The following CCDC38 variants were observed in gnomAD, a reference collection of about 807,000 sequenced individuals.
The protein encoded by CCDC38 is coiled-coil domain-containing protein 38.
In CCDC38, 69 loss-of-function variants were observed where a neutral mutation model predicts 72.8. That is an observed-to-expected ratio of 0.95 (90% CI 0.78 to 1.16). CCDC38 has a LOEUF of 1.16. Ranked by LOEUF, CCDC38 falls within the 50% of genes most tolerant of loss-of-function variation. The probability of loss-of-function intolerance (pLI) is 0.00; values close to 1 mark genes in which losing one functional copy is unlikely to be tolerated. For synonymous variants in CCDC38, 201 were observed against 213.2 expected, an observed-to-expected ratio of 0.94 and a Z score of 0.50; for missense variants, 626 against 638.9, an observed-to-expected ratio of 0.98 and a Z score of 0.22.
chr12:95,887,488 A>G (rs529040416), intron 10 of CCDC38, among the ~76,000 whole-genome samples: 1 of 152,362 alleles, frequency 6.6e-6, no homozygotes, highest in South Asian at 2.1e-4. Flanking sequence ...ATGCTTAGTA[A>G]AATAACCCAA....
In CCDC38 at chr12:95,894,990, T is replaced by G; in HGVS notation, c.771A>C (p.Ala257=). Residue 257 remains alanine, a splice_region_variant and synonymous_variant, in exon 8 of 16, where the codon GCA becomes GCC. Transcript: ENST00000344280. ...GAAAGTTGAGTATAAGTAACTTACT[T>G]GCTAATATTTTTGGAAGGATGATAT... is the stretch of plus-strand genomic sequence containing the variant. ...KANIILPKIL[A]KLSLHSSNKE... The G allele has an allele frequency of 6.2e-7, 1 of 1,605,490 alleles. No homozygotes were observed. The highest frequency in any genetic ancestry group is 1.1e-5 in the South Asian group (1 of 88,870).
chr12:95,891,455 C>G (rs986914987), intron 8 of CCDC38, among the ~76,000 whole-genome samples: 1 of 152,182 alleles, frequency 6.6e-6, no homozygotes, highest in African/African-American at 2.4e-5. Flanking sequence ...AATCCATCCT[C>G]CCACCTCAGC....
intron 4 of CCDC38, among the ~76,000 whole-genome samples, chr12:95,914,732 T>C (rs2080127501): frequency 6.6e-6 from 1 of 152,112 alleles, no homozygotes; most frequent in South Asian, 2.1e-4. Flanking sequence ...ATGGTAAGGA[T>C]CCTAAAGTCT....
At chr12:95,922,929 G>C (rs1363547922) in intron 2 of CCDC38, among the ~76,000 whole-genome samples, 1 of 152,182 alleles carries the variant, frequency 6.6e-6, no homozygotes, top group African/African-American at 2.4e-5. Flanking sequence ...ATTTCTGGTT[G>C]TGTCTGTGAG....
chr12:95,898,767 T>C (rs769317444), intron 5 of CCDC38, 36 bp from the exon 6 acceptor site: 2 of 1,591,342 alleles, frequency 1.3e-6, no homozygotes, highest in Non-Finnish European at 1.7e-6. Context: ...AAAAACATGA[T>C]TCCACATTTT....
intron 4 of CCDC38, among the ~76,000 whole-genome samples, chr12:95,910,302 T>TACACACACACACAC (rs141853582): frequency 1.3e-5 from 2 of 148,314 alleles, no homozygotes; most frequent in East Asian, 2.0e-4. Context: ...CCATTTACAT[T>TACACACACACACAC]ACACACACAC....
At position 95,918,890 on chromosome 12, in the gene CCDC38, C is replaced by A. The variant is rs755371641; in HGVS notation, c.124G>T (p.Ala42Ser). ...DLFLVKENEM[A>S]AKETEKFMNR... is the part of the protein sequence containing the mutation. ...TTAAACTTTACCGTTTCCTTTGCTG[C>A]CATTTCATTTTCTTTGACAAGAAAG... Residue 42 changes from alanine (A) to serine (S), a missense_variant, in exon 3 of 16, where the codon GCA becomes TCA. Coordinates refer to ENST00000344280, the MANE Select transcript of CCDC38 (RefSeq NM_182496.3). 1.2e-6 allele frequency: 2 copies of A among 1,603,140 alleles called. No individual in the cohort carries two copies. The highest frequency in any genetic ancestry group is 1.7e-6 in the Non-Finnish European group (2 of 1,170,066).
chr12:95,891,695 T>G (rs2079829253), intron 8 of CCDC38, among the ~76,000 whole-genome samples: 2 of 152,136 alleles, frequency 1.3e-5, no homozygotes, highest in African/African-American at 4.8e-5. Flanking sequence ...CTTCTTGTTT[T>G]TTTTTTCCCA....
At chr12:95,873,273 T>G (rs2079601185) in intron 13 of CCDC38, among the ~76,000 whole-genome samples, 2 of 152,212 alleles carry the variant, frequency 1.3e-5, no homozygotes, top group Non-Finnish European at 2.9e-5. Context: ...TGCTTAAACT[T>G]ACAACTAAAA....
chr12:95,869,042 T>C (rs1038012252), intron 15 of CCDC38, among the ~76,000 whole-genome samples: 3 of 152,184 alleles, frequency 2.0e-5, no homozygotes, highest in African/African-American at 7.2e-5. Context: ...AAAAAGAATA[T>C]GTACATAAAT....
intron 5 of CCDC38, among the ~76,000 whole-genome samples, chr12:95,901,207 T>C (rs2079946763): frequency 6.6e-6 from 1 of 152,220 alleles, no homozygotes; most frequent in African/African-American, 2.4e-5. Flanking sequence ...TGTTTGGATG[T>C]GGATTGTAAA....
intron 3 of CCDC38, among the ~76,000 whole-genome samples, chr12:95,918,120 A>G (rs1026927776): frequency 2.0e-5 from 3 of 152,208 alleles, no homozygotes; most frequent in Non-Finnish European, 4.4e-5. Context: ...CCTGTAATCA[A>G]CTTTTACCTC....
In CCDC38 at chr12:95,879,430, C is replaced by T. The variant is rs984632197; in HGVS notation, c.1142+214G>A. Among the ~76,000 whole-genome samples, 9 of 152,090 alleles carry T rather than the reference C, an allele frequency of 5.9e-5. No homozygotes were observed. The highest frequency in any genetic ancestry group is 8.8e-5 in the Non-Finnish European group (6 of 68,022). On this transcript the variant is annotated intron_variant, in intron 12 of 15. Transcript: ENST00000344280. This position sits in a 1 kb window ranked among gnomAD's most constrained non-coding sequence, Gnocchi z 5.5. ...TTTTATTATTACTAGTAGGAAAATA[C>T]GTTGACAAGTGAAAGGAAGTAGGGA...
At chr12:95,938,094 G>C (rs1172039823) in intron 1 of CCDC38, among the ~76,000 whole-genome samples, 1 of 151,986 alleles carries the variant, frequency 6.6e-6, no homozygotes, top group East Asian at 1.9e-4. Flanking sequence ...AGTTCCAGTG[G>C]TTATAAAAAC....
rs745478048 is a variant in CCDC38, at chr12:95,936,545, C to T, written c.-14-22G>A. 53 of 1,601,212 alleles carry T rather than the reference C, an allele frequency of 3.3e-5. No homozygotes were observed. The South Asian group carries it at 3.8e-4, about 11-fold the overall frequency. ...GGCCCTGTTGAAAGAAAAAAAAATA[C>T]GTTTTTTAAAAATTCTATGAACATC... On this transcript the variant is annotated intron_variant, in intron 1 of 15. Transcript: ENST00000344280.
intron 2 of CCDC38, among the ~76,000 whole-genome samples, chr12:95,920,762 T>G (rs947957874): frequency 6.6e-6 from 1 of 151,992 alleles, no homozygotes; most frequent in East Asian, 1.9e-4. Context: ...AGTGAAAATG[T>G]TCTAAAATTG....
intron 4 of CCDC38, among the ~76,000 whole-genome samples, chr12:95,912,008 A>G (rs2080099748): frequency 6.6e-6 from 1 of 152,268 alleles, no homozygotes. Context: ...AATGTGGTGC[A>G]TGTATACCAT....
At chr12:95,890,342 T>C (rs1443554929) in intron 9 of CCDC38, among the ~76,000 whole-genome samples, 1 of 152,176 alleles carries the variant, frequency 6.6e-6, no homozygotes, top group Non-Finnish European at 1.5e-5. Context: ...GGAGGGTCAT[T>C]CCACCTGGGA....
chr12:95,885,605 G>A (rs2079750468), intron 10 of CCDC38: 1 of 155,818 alleles, frequency 6.4e-6, no homozygotes, highest in Non-Finnish European at 1.4e-5. Context: ...CCAGTGGTTT[G>A]CTTTGTAAAG....
Sources: gnomAD v4.1 joint callset for allele counts (sites outside exome capture counted in the v4.1 genomes callset) on GRCh38, gnomAD v4.1.1 for gene constraint, Gnocchi (gnomAD v3.1) non-coding constraint, MANE v1.5 for transcripts, NCBI Gene and HGNC (gene_info 2026-07-23, HGNC 2026-07-21) for gene names.